GPC5: variants seen among roughly 807,000 people sequenced by gnomAD.
GPC5 encodes the protein glypican 5.
Under a neutral mutation model 53.9 loss-of-function variants are expected in GPC5, and 47 were observed. That is an observed-to-expected ratio of 0.87 (90% CI 0.69 to 1.11). The LOEUF (loss-of-function observed/expected upper bound fraction) is 1.11, where lower values mean the gene tolerates loss of function less well. Ranked by LOEUF, GPC5 falls within the 50% of genes most tolerant of loss-of-function variation. The pLI is 0.00. For synonymous variants in GPC5, 286 were observed against 263.3 expected (o/e 1.09, Z -0.84); for missense variants, 748 against 713.1 (o/e 1.05, Z -0.56).
At chr13:92,611,224 A>T (rs1478767030) in intron 7 of GPC5, among the ~76,000 whole-genome samples, 1 of 152,178 alleles carries the variant, frequency 6.6e-6, no homozygotes, top group Admixed American at 6.5e-5. Context: ...CAATGAATAG[A>T]ATGTAACTAA....
At chr13:91,692,102 A>C (rs461810) in intron 2 of GPC5, among the ~76,000 whole-genome samples, 28,862 of 151,954 alleles carry the variant, frequency 0.19, 3,301 homozygotes, top group African/African-American at 0.31. Flanking sequence ...CCCTTAATTT[A>C]CGGGTAAATT....
intron 7 of GPC5, among the ~76,000 whole-genome samples, chr13:92,763,735 C>T (rs185891003): frequency 1.3e-5 from 2 of 152,220 alleles, no homozygotes; most frequent in South Asian, 2.1e-4. Context: ...TTCTGAGGCA[C>T]GCTCTAGAGT....
At chr13:92,016,551 C>A (rs1235943592) in intron 6 of GPC5, among the ~76,000 whole-genome samples, 1 of 152,168 alleles carries the variant, frequency 6.6e-6, no homozygotes, top group Non-Finnish European at 1.5e-5. Context: ...TGATTCTACA[C>A]ATATTTATGC....
chr13:91,511,925 A>G (rs1221745118), intron 2 of GPC5, among the ~76,000 whole-genome samples: 1 of 152,276 alleles, frequency 6.6e-6, no homozygotes, highest in Non-Finnish European at 1.5e-5. Context: ...GAAACTATAT[A>G]TAAAAGAATA....
intron 7 of GPC5, among the ~76,000 whole-genome samples, chr13:92,357,062 C>T (rs1349588681): frequency 1.3e-5 from 2 of 148,182 alleles, no homozygotes; most frequent in Non-Finnish European, 2.9e-5. Context: ...CTTTCTTACT[C>T]TTGCATGGTA....
chr13:91,440,353 T>C (rs1406145843), intron 1 of GPC5, among the ~76,000 whole-genome samples: 1 of 152,202 alleles, frequency 6.6e-6, no homozygotes, highest in East Asian at 1.9e-4. Flanking sequence ...CGGATCTATC[T>C]TCAAGTATAC....
chr13:92,579,725 C>G (rs1487815150), intron 7 of GPC5, among the ~76,000 whole-genome samples: 1 of 152,098 alleles, frequency 6.6e-6, no homozygotes, highest in East Asian at 1.9e-4. Flanking sequence ...TTTAACATGT[C>G]TTAGAGATTA....
chr13:92,526,803 A>T (rs2138978093), intron 7 of GPC5, among the ~76,000 whole-genome samples: 1 of 151,990 alleles, frequency 6.6e-6, no homozygotes, highest in East Asian at 1.9e-4. Context: ...GTTTAAAATT[A>T]TCAAGATATC....
At chr13:92,243,430 A>G (rs1372132936) in intron 7 of GPC5, among the ~76,000 whole-genome samples, 2 of 152,140 alleles carry the variant, frequency 1.3e-5, no homozygotes, top group Non-Finnish European at 2.9e-5. Flanking sequence ...ACCAATTGGG[A>G]GCCTATTGCA....
intron 2 of GPC5, among the ~76,000 whole-genome samples, chr13:91,678,763 C>T (rs529606588): frequency 2.0e-5 from 3 of 149,596 alleles, no homozygotes; most frequent in South Asian, 4.2e-4. Context: ...ATTTGTGGAT[C>T]CTATAGAGCT....
chr13:92,033,721 T>C (rs2040871550), intron 6 of GPC5, among the ~76,000 whole-genome samples: 1 of 152,212 alleles, frequency 6.6e-6, no homozygotes, highest in Non-Finnish European at 1.5e-5. Context: ...TTTAACTGCC[T>C]GATGTTTAAG....
intron 7 of GPC5, among the ~76,000 whole-genome samples, chr13:92,599,268 A>T (rs1883971986): frequency 6.6e-6 from 1 of 152,178 alleles, no homozygotes; most frequent in African/African-American, 2.4e-5. Context: ...GTAAATATGC[A>T]CCTGAACTAT....
intron 2 of GPC5, among the ~76,000 whole-genome samples, chr13:91,573,365 T>G (rs2032009983): frequency 6.6e-6 from 1 of 152,194 alleles, no homozygotes; most frequent in Non-Finnish European, 1.5e-5. Flanking sequence ...TGCAACTTGC[T>G]GAGAATCGAT....
chr13:91,729,044 GGCTA>G (rs938809462), intron 4 of GPC5, among the ~76,000 whole-genome samples: 16 of 152,132 alleles, frequency 1.1e-4, no homozygotes, highest in African/African-American at 3.9e-4. Context: ...TTGTAAATAT[GGCTA>G]GTGGCTATTG....
chr13:92,619,687 G>A (rs1425044842), intron 7 of GPC5, among the ~76,000 whole-genome samples: 1 of 152,014 alleles, frequency 6.6e-6, no homozygotes, highest in Non-Finnish European at 1.5e-5. Flanking sequence ...ATGTAGGAGA[G>A]ATTCTAGACA....
At chr13:91,696,781 A>G (rs2035887838) in intron 3 of GPC5, among the ~76,000 whole-genome samples, 1 of 152,240 alleles carries the variant, frequency 6.6e-6, no homozygotes, top group African/African-American at 2.4e-5. Flanking sequence ...TTAGAGAAAC[A>G]AAAGTTAATT....
chr13:92,651,258 T>G (rs1885949964), intron 7 of GPC5, among the ~76,000 whole-genome samples: 1 of 150,894 alleles, frequency 6.6e-6, no homozygotes, highest in Non-Finnish European at 1.5e-5. Flanking sequence ...AAAAATAGAG[T>G]TACTTTGTAG....
At chr13:91,577,208 C>T (rs1275390397) in intron 2 of GPC5, among the ~76,000 whole-genome samples, 1 of 152,134 alleles carries the variant, frequency 6.6e-6, no homozygotes, top group Non-Finnish European at 1.5e-5. Context: ...GCTTAGCTGT[C>T]AGGTGGGAAT....
chr13:92,738,794 A>G (rs1329142401), intron 7 of GPC5, among the ~76,000 whole-genome samples: 2 of 152,108 alleles, frequency 1.3e-5, no homozygotes, highest in Non-Finnish European at 1.5e-5. Flanking sequence ...AAAGGTTTAC[A>G]TGGTTCAGTA....
Sources: gnomAD v4.1 joint callset for allele counts (sites outside exome capture counted in the v4.1 genomes callset) on GRCh38, gnomAD v4.1.1 for gene constraint, MANE v1.5 for transcripts, NCBI Gene and HGNC (gene_info 2026-07-23, HGNC 2026-07-21) for gene names.